The following EIF4ENIF1 variants were observed in gnomAD, a reference collection of about 807,000 sequenced individuals.
The protein encoded by EIF4ENIF1 is eukaryotic translation initiation factor 4E nuclear import factor 1.
In EIF4ENIF1, 23 loss-of-function variants were observed where a neutral mutation model predicts 110.5. That is an observed-to-expected ratio of 0.21 (90% CI 0.15 to 0.29). The LOEUF (loss-of-function observed/expected upper bound fraction) is 0.29, where lower values mean the gene tolerates loss of function less well. EIF4ENIF1 is among the 10% of genes least tolerant of loss of function. The pLI, the probability that EIF4ENIF1 is intolerant of heterozygous loss-of-function variation, is 1.00. For missense variants in EIF4ENIF1, 1,031 were observed against 1,221.1 expected (o/e 0.84, Z 2.32); for synonymous variants, 440 against 437.0 (o/e 1.01, Z -0.09).
chr22:31,439,179 A>G (rs911702258), downstream of EIF4ENIF1, among the ~76,000 whole-genome samples: 1 of 152,200 alleles, frequency 6.6e-6, no homozygotes, highest in Admixed American at 6.5e-5. Flanking sequence ...AGTTAGTGGC[A>G]TGTGCCTGTA....
At position 31,462,925 on chromosome 22, in the gene EIF4ENIF1, A is replaced by T. The variant is rs770676456; in HGVS notation, c.787+7T>A. The T allele has an allele frequency of 1.9e-6, 3 of 1,613,006 alleles. No homozygotes were observed. In the South Asian group the frequency reaches 3.3e-5, roughly 18 times the overall value. On this transcript the variant is annotated splice_region_variant and intron_variant, in intron 6 of 18. Transcript: ENST00000330125. The stretch of plus-strand genomic sequence containing the variant: ...CAGCGAACTTCCCTCCCAAAGTTTG[A>T]ACTGACCTTCCTTCACAGAGGCTGT...
chr22:31,454,656 C>T (rs2145947249), intron 9 of EIF4ENIF1, among the ~76,000 whole-genome samples: 1 of 152,312 alleles, frequency 6.6e-6, no homozygotes, highest in East Asian at 1.9e-4. Flanking sequence ...GCTGTGCATC[C>T]TGCAGAAGGA....
chr22:31,492,123 A>G (rs866290503), upstream of EIF4ENIF1, among the ~76,000 whole-genome samples: 2 of 152,106 alleles, frequency 1.3e-5, no homozygotes, highest in South Asian at 2.1e-4. Flanking sequence ...ACACTTACAC[A>G]TGGCCTCTCC....
chr22:31,441,550 GAAAAAA>G (rs771597260), intron 17 of EIF4ENIF1, among the ~76,000 whole-genome samples: 288 of 65,256 alleles, frequency 4.4e-3, no homozygotes, highest in Non-Finnish European at 6.5e-3. Flanking sequence ...CTACAAAAAG[GAAAAAA>G]AAAAAAAAAA....
intron 4 of EIF4ENIF1, among the ~76,000 whole-genome samples, chr22:31,466,645 G>A (rs966072769): frequency 7.3e-6 from 1 of 136,964 alleles, no homozygotes; most frequent in Admixed American, 7.4e-5. Flanking sequence ...AGTGTTGTGG[G>A]GGGGGCAGCT....
chr22:31,461,673 T>A (rs2145979912), intron 6 of EIF4ENIF1: 1 of 152,314 alleles, frequency 6.6e-6, no homozygotes, highest in Admixed American at 6.5e-5. Flanking sequence ...CCTCAAATGA[T>A]CCACCCGCCT....
At chr22:31,468,774 T>C (rs1373634576) in intron 3 of EIF4ENIF1, among the ~76,000 whole-genome samples, 2 of 152,206 alleles carry the variant, frequency 1.3e-5, no homozygotes, top group African/African-American at 4.8e-5. Context: ...AAAACATCTA[T>C]TAATTCAGTA....
At chr22:31,453,185 A>G (rs1255208211) in intron 10 of EIF4ENIF1, among the ~76,000 whole-genome samples, 1 of 152,208 alleles carries the variant, frequency 6.6e-6, no homozygotes, top group East Asian at 1.9e-4. Context: ...GGCTATGGGT[A>G]AGAACTACCC....
intron 10 of EIF4ENIF1, chr22:31,450,569 A>T: frequency 2.3e-6 from 1 of 440,240 alleles, no homozygotes; most frequent in Admixed American, 3.7e-5. Flanking sequence ...ATGTACATGC[A>T]AAGTCCCCTC....
chr22:31,443,212 A>G (rs2050358813), intron 15 of EIF4ENIF1, 118 bp from the exon 16 acceptor site: 1 of 1,403,398 alleles, frequency 7.1e-7, no homozygotes, highest in Non-Finnish European at 9.5e-7. Context: ...GCATAGGCCA[A>G]CTGTAGTATT....
chr22:31,491,002 A>G (rs929200817), upstream of EIF4ENIF1, among the ~76,000 whole-genome samples: 2 of 152,234 alleles, frequency 1.3e-5, no homozygotes, highest in African/African-American at 4.8e-5. Context: ...GTATTACTGA[A>G]TAAAGTGTGT....
rs67838369 is a variant in EIF4ENIF1 at position 31,455,395 on chromosome 22, CTTTTTTT to C, written c.1100-87_1100-81del. The stretch of plus-strand genomic sequence containing the variant: ...CCTTCGACAGTATTTTTCTTTCTTT[CTTTTTTT>C]TTTTTTTTTTCTTTGAGATGGAGTT... On this transcript the variant is annotated intron_variant, in intron 8 of 18. Transcript: ENST00000330125. 1.2e-3 allele frequency: 981 copies of C among 810,144 alleles called. 1 individual carries two copies. The highest frequency in any genetic ancestry group is 2.7e-3 in the South Asian group (64 of 24,070). The allele number at this position is 810,144 out of a possible 1,614,324, so 50.2% of individuals were successfully genotyped here. A position where few individuals can be genotyped will look rare whatever the true frequency, so the allele number is the denominator to read the frequency against.
intron 2 of EIF4ENIF1, among the ~76,000 whole-genome samples, chr22:31,480,878 A>T (rs1218795038): frequency 6.6e-6 from 1 of 152,072 alleles, no homozygotes; most frequent in Non-Finnish European, 1.5e-5. Context: ...CATCCTGGCC[A>T]ACATGGCGAA....
At chr22:31,457,890 T>C (rs1351075567) in intron 7 of EIF4ENIF1, among the ~76,000 whole-genome samples, 2 of 151,746 alleles carry the variant, frequency 1.3e-5, no homozygotes, top group African/African-American at 2.4e-5. Flanking sequence ...AATTGGGGAG[T>C]GTATCCAAAA....
At chr22:31,453,845 G>C (rs532266239) in intron 10 of EIF4ENIF1, among the ~76,000 whole-genome samples, 1 of 152,242 alleles carries the variant, frequency 6.6e-6, no homozygotes, top group East Asian at 1.9e-4. Context: ...CATCCAAAAA[G>C]ATAGTTTTAT....
At chr22:31,473,292 T>C (rs1305298716) in intron 2 of EIF4ENIF1, among the ~76,000 whole-genome samples, 2 of 152,154 alleles carry the variant, frequency 1.3e-5, no homozygotes, top group Non-Finnish European at 2.9e-5. Context: ...CCCTCACATA[T>C]AACGGATGCC....
intron 2 of EIF4ENIF1, among the ~76,000 whole-genome samples, chr22:31,480,766 A>G (rs2051787983): frequency 6.6e-6 from 1 of 151,986 alleles, no homozygotes; most frequent in African/African-American, 2.4e-5. Flanking sequence ...AAAACAAAAC[A>G]AAACCGAACA....
chr22:31,467,957 A>G (rs766113199), intron 4 of EIF4ENIF1, among the ~76,000 whole-genome samples: 1 of 152,214 alleles, frequency 6.6e-6, no homozygotes, highest in Non-Finnish European at 1.5e-5. Context: ...GGTACTTTTA[A>G]TTCAGAAGCA....
intron 10 of EIF4ENIF1, among the ~76,000 whole-genome samples, 200 bp downstream of exon 10, chr22:31,453,944 T>C (rs1019034595): frequency 6.6e-6 from 1 of 152,126 alleles, no homozygotes; most frequent in Admixed American, 6.5e-5. Flanking sequence ...ACAATACATA[T>C]AAATTAACCA....
Sources: gnomAD v4.1 joint callset for allele counts (sites outside exome capture counted in the v4.1 genomes callset) on GRCh38, gnomAD v4.1.1 for gene constraint, MANE v1.5 for transcripts, NCBI Gene and HGNC (gene_info 2026-07-23, HGNC 2026-07-21) for gene names.